The following PTPRD variants were observed in gnomAD, a reference collection of about 807,000 sequenced individuals.
PTPRD encodes receptor-type tyrosine-protein phosphatase delta.
In PTPRD, 34 loss-of-function variants were observed where a neutral mutation model predicts 214.5. The ratio of observed to expected loss-of-function variants is 0.16; its 90% CI spans 0.12 to 0.21. The LOEUF is 0.21. Among genes scored for constraint, PTPRD ranks in the 10% least tolerant of loss-of-function variants. PTPRD has a pLI of 1.00. For missense variants in PTPRD, 2,545 were observed against 2,398.7 expected (o/e 1.06, Z -1.27); for synonymous variants, 1,128 against 845.7 (o/e 1.33, Z -5.79).
chr9:10,289,267 G>A (rs534714224), intron 3 of PTPRD, among the ~76,000 whole-genome samples: 6 of 152,210 alleles, frequency 3.9e-5, no homozygotes, highest in Admixed American at 2.0e-4. Context: ...CAGGATCTAT[G>A]TGTCATTTCC....
chr9:8,984,181 G>C (rs1188079819), intron 11 of PTPRD, among the ~76,000 whole-genome samples: 1 of 151,904 alleles, frequency 6.6e-6, no homozygotes, highest in Non-Finnish European at 1.5e-5. Context: ...TATTGAGTGA[G>C]ATATTAAATG....
At chr9:8,357,356 T>G (rs1021718) in intron 39 of PTPRD, among the ~76,000 whole-genome samples, 2 of 152,272 alleles carry the variant, frequency 1.3e-5, no homozygotes, top group East Asian at 1.9e-4. Flanking sequence ...GATGCAGGAA[T>G]AGCTTGGCAA....
chr9:8,956,144 C>T (rs1210323529), intron 11 of PTPRD, among the ~76,000 whole-genome samples: 4 of 151,812 alleles, frequency 2.6e-5, no homozygotes, highest in South Asian at 2.1e-4. Flanking sequence ...AGGTGCTGAC[C>T]TCCCAGTGTG....
intron 12 of PTPRD, among the ~76,000 whole-genome samples, chr9:8,674,603 G>A (rs2097362743): frequency 6.6e-6 from 1 of 152,050 alleles, no homozygotes; most frequent in Non-Finnish European, 1.5e-5. Flanking sequence ...TCTAAGTAAG[G>A]CACTAGCTGT....
At chr9:10,288,498 A>G (rs911161048) in intron 3 of PTPRD, among the ~76,000 whole-genome samples, 6 of 152,214 alleles carry the variant, frequency 3.9e-5, no homozygotes, top group African/African-American at 1.4e-4. Context: ...GAACTCACTT[A>G]TAGGTCAAGT....
At chr9:10,219,456 G>A (rs932780085) in intron 3 of PTPRD, among the ~76,000 whole-genome samples, 1 of 151,646 alleles carries the variant, frequency 6.6e-6, no homozygotes, top group Admixed American at 6.6e-5. Context: ...GGCATTAATT[G>A]GGTTTACCCC....
intron 3 of PTPRD, among the ~76,000 whole-genome samples, chr9:10,045,496 C>T (rs772041526): frequency 2.0e-5 from 3 of 151,612 alleles, no homozygotes; most frequent in Non-Finnish European, 3.0e-5. Flanking sequence ...AATGTGACCT[C>T]AGAAGTATCC....
Position 10,156,852 on chromosome 9 carries a change from T to C in PTPRD, c.-544-123062A>G, listed in dbSNP as rs191105929. On this transcript the variant is annotated intron_variant, in intron 3 of 45. Coordinates refer to ENST00000381196, the MANE Select transcript of PTPRD (RefSeq NM_002839.4). ...TGCATATATATTTAGGATAGTTAGG[T>C]CTTCTCTTGAATTGAACCTTCTACC... 1.8e-4 allele frequency among the ~76,000 whole-genome samples: 27 copies of C among 152,268 alleles called. No individual in the cohort carries two copies. The East Asian group carries it at 4.6e-3, about 26-fold the overall frequency.
intron 8 of PTPRD, among the ~76,000 whole-genome samples, chr9:9,558,574 C>A (rs982273947): frequency 3.3e-5 from 5 of 152,284 alleles, no homozygotes; most frequent in South Asian, 2.1e-4. Flanking sequence ...GATACATACA[C>A]AAGCAACTGA....
chr9:10,231,316 G>A (rs1407518821), intron 3 of PTPRD, among the ~76,000 whole-genome samples: 5 of 151,000 alleles, frequency 3.3e-5, no homozygotes, highest in African/African-American at 9.7e-5. Context: ...TGTGAGGGGG[G>A]AAAACACTCA....
intron 44 of PTPRD, among the ~76,000 whole-genome samples, chr9:8,321,074 G>C (rs557309334): frequency 6.6e-6 from 1 of 152,136 alleles, no homozygotes; most frequent in Admixed American, 6.6e-5. Context: ...AAATCCAAGC[G>C]GAGTCAGTCT....
Position 9,707,935 on chromosome 9 carries a change from A to G in PTPRD, c.-287+26598T>C, listed in dbSNP as rs369125199. On this transcript the variant is annotated intron_variant, in intron 7 of 45. Transcript: ENST00000381196. The stretch of plus-strand genomic sequence containing the variant: ...TTCATTGTAACTTTTTACTTCTCAT[A>G]GACATATACCTAGCAGTAAGAAATC... Among the ~76,000 whole-genome samples the G allele has an allele frequency of 1.1e-3, 171 of 152,134 alleles. 2 individuals are homozygous for G. Among genetic ancestry groups the G allele is most frequent in the African/African-American group, 4.0e-3 (165 of 41,534 alleles).
At chr9:8,858,834 C>CACAG (rs1450399759) in intron 11 of PTPRD, among the ~76,000 whole-genome samples, 1 of 147,398 alleles carries the variant, frequency 6.8e-6, no homozygotes, top group Non-Finnish European at 1.5e-5. Context: ...CACACATACA[C>CACAG]ACACACAGAC....
chr9:8,398,367 T>G (rs2091692396), intron 36 of PTPRD, among the ~76,000 whole-genome samples: 1 of 152,124 alleles, frequency 6.6e-6, no homozygotes, highest in Non-Finnish European at 1.5e-5. Flanking sequence ...TTCGGATGCG[T>G]TATCAGGAAA....
At chr9:9,309,040 G>T (rs1042699833) in intron 9 of PTPRD, among the ~76,000 whole-genome samples, 1 of 151,798 alleles carries the variant, frequency 6.6e-6, no homozygotes, top group African/African-American at 2.4e-5. Context: ...ATTTGTTTTA[G>T]GCATTTATTT....
intron 2 of PTPRD, among the ~76,000 whole-genome samples, chr9:10,439,904 T>C (rs1338667532): frequency 4.0e-5 from 6 of 151,818 alleles, no homozygotes; most frequent in African/African-American, 2.4e-5. Flanking sequence ...AATTTTTAAA[T>C]TGGGTTGAAA....
Position 10,466,116 on chromosome 9 carries a change from C to A in PTPRD, c.-599-125099G>T, listed in dbSNP as rs1389301383. ...GCCTATGATTTGTTGAATGATAAAT[C>A]TTTTCTTCACGGTATTTGTTTCTAT... On this transcript the variant is annotated intron_variant, in intron 2 of 45. Coordinates refer to ENST00000381196, the MANE Select transcript of PTPRD (RefSeq NM_002839.4). Among the ~76,000 whole-genome samples the A allele has an allele frequency of 2.6e-5, 4 of 152,114 alleles. No homozygotes were observed. The East Asian group carries it at 5.8e-4, about 22-fold the overall frequency.
Position 9,773,230 on chromosome 9 carries a change from A to G in PTPRD, c.-367-6379T>C, listed in dbSNP as rs145383879. Reference sequence around the variant, plus strand: ...TCCCTCCTCATCCCCCCAAATGAATAGTTTCTTTTTATAAATCAGAGTAAA... The same window carrying G: ...TCCCTCCTCATCCCCCCAAATGAATGGTTTCTTTTTATAAATCAGAGTAAA... On this transcript the variant is annotated intron_variant, in intron 5 of 45. Transcript: ENST00000381196. Among the ~76,000 whole-genome samples, 22 of 152,268 alleles carry G rather than the reference A, an allele frequency of 1.4e-4. No homozygotes were observed. In the East Asian group the frequency reaches 4.3e-3, roughly 29 times the overall value.
At chr9:9,683,534 A>G (rs865878681) in intron 7 of PTPRD, among the ~76,000 whole-genome samples, 47 of 151,744 alleles carry the variant, frequency 3.1e-4, no homozygotes, top group African/African-American at 1.1e-3. Context: ...TCAAGAAGCG[A>G]CAATGCATAT....
Sources: allele counts gnomAD v4.1 joint callset (sites outside exome capture counted in the v4.1 genomes callset), GRCh38; gene constraint gnomAD v4.1.1; transcripts MANE v1.5; gene names NCBI Gene and HGNC (gene_info 2026-07-23, HGNC 2026-07-21).